Variants in PRKCH observed in about 807,000 individuals in gnomAD.
PRKCH encodes protein kinase C eta type.
A neutral mutation model predicts 82.5 loss-of-function variants in PRKCH; 28 were observed. That is an observed-to-expected ratio of 0.34 (90% CI 0.25 to 0.47). The LOEUF is 0.47. PRKCH is among the 20% of genes least tolerant of loss of function. The pLI, the probability that PRKCH is intolerant of heterozygous loss-of-function variation, is 1.00. For missense variants in PRKCH, 705 were observed against 881.8 expected, an observed-to-expected ratio of 0.80 and a Z score of 2.54; for synonymous variants, 322 against 327.4, an observed-to-expected ratio of 0.98 and a Z score of 0.18.
At chr14:61,341,466 T>A (rs2045929359) in intron 1 of PRKCH, among the ~76,000 whole-genome samples, 1 of 152,178 alleles carries the variant, frequency 6.6e-6, no homozygotes, top group Non-Finnish European at 1.5e-5. Context: ...CATGCACATG[T>A]CAGCACAGTT....
At chr14:61,245,139 G>T (rs1001174385) in intron 1 of PRKCH, among the ~76,000 whole-genome samples, 3 of 152,174 alleles carry the variant, frequency 2.0e-5, no homozygotes, top group African/African-American at 7.2e-5. Flanking sequence ...ACCTGTTGAT[G>T]GAGTGGTTAT....
rs576721791 is a variant in PRKCH, at chr14:61,242,277, A to G, written c.-19+54609A>G. Among the ~76,000 whole-genome samples, 32 of 152,276 alleles carry G rather than the reference A, an allele frequency of 2.1e-4. No homozygotes were observed. In the South Asian group the frequency reaches 6.4e-3, roughly 31 times the overall value. On this transcript the variant is annotated intron_variant, in intron 1 of 3. Transcript: ENST00000555185. Reference sequence around the variant, plus strand: ...ACAGTGAATGGTCATACCTTAACTCAAAACTCTCCCCCAGTGACATCAGTT... The same window carrying G: ...ACAGTGAATGGTCATACCTTAACTCGAAACTCTCCCCCAGTGACATCAGTT...
chr14:61,220,240 ATC>A (rs2044645292), intron 1 of PRKCH, among the ~76,000 whole-genome samples: 1 of 152,218 alleles, frequency 6.6e-6, no homozygotes, highest in Non-Finnish European at 1.5e-5. Context: ...ATCCAAGGAC[ATC>A]TCCTCTGTCA....
At chr14:61,457,443 G>T in intron 8 of PRKCH, 63 bp from the exon 9 acceptor site, 2 of 1,594,652 alleles carry the variant, frequency 1.3e-6, no homozygotes, top group South Asian at 2.3e-5. Context: ...TTCCTGTTGT[G>T]TGCACACACC....
chr14:61,229,847 A>G (rs1328583793), intron 1 of PRKCH, among the ~76,000 whole-genome samples: 1 of 152,158 alleles, frequency 6.6e-6, no homozygotes, highest in African/African-American at 2.4e-5. Flanking sequence ...AGGTTAACAC[A>G]CATGTGCACA....
rs191383979 is a variant in PRKCH, at chr14:61,378,745, T to C, written c.364-12480T>C. On this transcript the variant is annotated intron_variant, in intron 1 of 13. Coordinates refer to ENST00000332981, the MANE Select transcript of PRKCH (RefSeq NM_006255.5). Reference sequence around the variant, plus strand: ...ACCAGGGATCATCATTGCCTTGTGATTCTGACTCCTTCTCTTTCACCTCCA... The same window carrying C: ...ACCAGGGATCATCATTGCCTTGTGACTCTGACTCCTTCTCTTTCACCTCCA... 2.0e-5 allele frequency among the ~76,000 whole-genome samples: 3 copies of C among 152,326 alleles called. No homozygotes were observed. The East Asian group carries it at 5.8e-4, about 29-fold the overall frequency.
At chr14:61,353,018 T>G (rs985416254) in intron 1 of PRKCH, among the ~76,000 whole-genome samples, 2 of 152,202 alleles carry the variant, frequency 1.3e-5, no homozygotes, top group Non-Finnish European at 2.9e-5. Context: ...AACATGGATA[T>G]TCACACTAAG....
intron 2 of PRKCH, among the ~76,000 whole-genome samples, chr14:61,405,034 C>G (rs939883877): frequency 2.0e-5 from 3 of 152,192 alleles, no homozygotes; most frequent in African/African-American, 7.2e-5. Context: ...GTCTTTTCCC[C>G]TTTGGTTAGG....
intron 1 of PRKCH, among the ~76,000 whole-genome samples, chr14:61,369,458 T>A (rs186714352): frequency 1.3e-5 from 2 of 152,254 alleles, no homozygotes; most frequent in East Asian, 3.9e-4. Context: ...TTTCTTTTTG[T>A]TTGCTTTGCT....
intron 1 of PRKCH, among the ~76,000 whole-genome samples, chr14:61,379,842 G>A (rs1392950655): frequency 2.0e-5 from 3 of 152,148 alleles, no homozygotes; most frequent in Non-Finnish European, 4.4e-5. Context: ...TCCCTTTCTG[G>A]AAGGGTCTAC....
chr14:61,421,362 C>T (rs1440547007), intron 2 of PRKCH, among the ~76,000 whole-genome samples: 1 of 152,010 alleles, frequency 6.6e-6, no homozygotes, highest in Non-Finnish European at 1.5e-5. Context: ...GTATACATAA[C>T]TTTTATAATG....
chr14:61,232,525 T>C (rs1389640247), intron 1 of PRKCH, among the ~76,000 whole-genome samples: 7 of 152,192 alleles, frequency 4.6e-5, no homozygotes, highest in African/African-American at 1.4e-4. Flanking sequence ...CCGGCCAGGA[T>C]ATTTTAAATG....
At chr14:61,390,178 C>T (rs1245250714) in intron 1 of PRKCH, among the ~76,000 whole-genome samples, 1 of 152,156 alleles carries the variant, frequency 6.6e-6, no homozygotes, top group African/African-American at 2.4e-5. Flanking sequence ...GTCCGCCCAC[C>T]TAAGCTAGTG....
intron 1 of PRKCH, chr14:61,281,372 T>G: frequency 2.9e-6 from 1 of 345,328 alleles, no homozygotes; most frequent in Admixed American, 4.9e-5. Context: ...TCCGCCCAGG[T>G]GCGCTGCACC....
At chr14:61,482,816 G>A (rs1001913592) in intron 9 of PRKCH, among the ~76,000 whole-genome samples, 20 of 152,224 alleles carry the variant, frequency 1.3e-4, no homozygotes, top group Admixed American at 1.0e-3. Context: ...ATGGGGCTGG[G>A]CTAAAGCAAG....
chr14:61,526,071 G>A (rs978972760), intron 10 of PRKCH, among the ~76,000 whole-genome samples: 1 of 152,208 alleles, frequency 6.6e-6, no homozygotes, highest in South Asian at 2.1e-4. Context: ...CCTTCACTGG[G>A]CAGGACCACG....
chr14:61,440,474 G>T (rs1883904123), intron 2 of PRKCH, among the ~76,000 whole-genome samples: 4 of 152,176 alleles, frequency 2.6e-5, no homozygotes, highest in Non-Finnish European at 5.9e-5. Flanking sequence ...TGAAGATGTT[G>T]GTGTCTTGGC....
intron 1 of PRKCH, among the ~76,000 whole-genome samples, chr14:61,217,815 A>C (rs953964568): frequency 6.6e-6 from 1 of 152,218 alleles, no homozygotes; most frequent in Non-Finnish European, 1.5e-5. Flanking sequence ...ATATTTGACA[A>C]GCAACTTCTG....
In PRKCH at chr14:61,280,570, C is replaced by T. The variant is rs2140092360; in HGVS notation, c.-19+92902C>T. The T allele has an allele frequency of 1.2e-6, 2 of 1,604,702 alleles. No homozygotes were observed. The highest frequency in any genetic ancestry group is 1.1e-5 in the South Asian group (1 of 90,258). ...GTCGGTCCACCAGGCGATGCCGGAGCGGTCGAGCGGCACCTCGACGTAGGG... is the reference window on the plus strand; with the variant it reads ...GTCGGTCCACCAGGCGATGCCGGAGTGGTCGAGCGGCACCTCGACGTAGGG... On this transcript the variant is annotated intron_variant, in intron 1 of 3. Coordinates refer to the PRKCH transcript ENST00000555185. This position sits in a 1 kb window ranked among gnomAD's most constrained non-coding sequence, Gnocchi z 5.0.
Sources: allele counts gnomAD v4.1 joint callset (sites outside exome capture counted in the v4.1 genomes callset), GRCh38; gene constraint gnomAD v4.1.1; non-coding constraint Gnocchi (gnomAD v3.1); transcripts MANE v1.5; gene names NCBI Gene and HGNC (gene_info 2026-07-23, HGNC 2026-07-21).